SEL1L2: variants seen among roughly 807,000 people sequenced by gnomAD.
SEL1L2 encodes SEL1L2 adaptor subunit of SYVN1 ubiquitin ligase, also known as protein sel-1 homolog 2.
A neutral mutation model predicts 98.8 loss-of-function variants in SEL1L2; 89 were observed. The ratio of observed to expected loss-of-function variants is 0.90; its 90% CI spans 0.76 to 1.07. SEL1L2 has a LOEUF of 1.07. Among genes scored for constraint, SEL1L2 ranks in the 50% least tolerant of loss-of-function variants. The pLI is 0.00. For missense variants in SEL1L2, 788 were observed against 812.0 expected (o/e 0.97, Z 0.36); for synonymous variants, 262 against 278.5 (o/e 0.94, Z 0.59).
intron 3 of SEL1L2, among the ~76,000 whole-genome samples, chr20:13,927,808 T>G (rs1376145003): frequency 6.6e-6 from 1 of 152,220 alleles, no homozygotes; most frequent in African/African-American, 2.4e-5. Context: ...TCTTGTTTCA[T>G]TCCACATTTA....
At chr20:13,932,435 A>ATTT (rs1417890718) in intron 2 of SEL1L2, among the ~76,000 whole-genome samples, 3 of 148,314 alleles carry the variant, frequency 2.0e-5, no homozygotes, top group Non-Finnish European at 4.5e-5. Flanking sequence ...TATTATTATT[A>ATTT]TTATTATTAT....
rs748199181 is a variant in SEL1L2, at chr20:13,876,076, C to T, written c.1066G>A (p.Ala356Thr). 3.1e-6 allele frequency: 5 copies of T among 1,613,826 alleles called. No homozygotes were observed. The highest frequency in any genetic ancestry group is 2.2e-5 in the South Asian group (2 of 91,088). Residue 356 changes from alanine to threonine, a missense_variant, in exon 12 of 20, where the codon GCT (alanine) becomes ACT (threonine). Ala to Thr is a moderately conservative substitution (Grantham distance 58). Coordinates refer to ENST00000284951, the MANE Select transcript of SEL1L2 (RefSeq NM_025229.2). ...ATGGAAAAGTACTTGAAGGCAGTAG[C>T]GTTATTTTGCGGCACGGCAGCATTC... Reference protein sequence around the residue: ...EGNAAVPQNNATAFKYFSMAA... With the variant: ...EGNAAVPQNNTTAFKYFSMAA...
chr20:13,886,143 A>T, intron 9 of SEL1L2, 145 bp downstream of exon 9: 1 of 472,590 alleles, frequency 2.1e-6, no homozygotes. Context: ...CAGGGAACAA[A>T]ACAGGAGTAG....
At chr20:13,856,935 T>C (rs1212828901) in intron 18 of SEL1L2, among the ~76,000 whole-genome samples, 12 of 152,200 alleles carry the variant, frequency 7.9e-5, no homozygotes, top group African/African-American at 2.4e-4. Context: ...ATGACTTAAC[T>C]GCTGGGAAGG....
Position 13,850,272 on chromosome 20 carries a change from A to C in SEL1L2, c.1866T>G (p.Ser622Arg). 1 of 1,614,002 alleles carries C rather than the reference A, an allele frequency of 6.2e-7. No individual in the cohort carries two copies. The highest frequency in any genetic ancestry group is 8.5e-7 in the Non-Finnish European group (1 of 1,179,938). Residue 622 changes from serine (S) to arginine (R), a missense_variant, in exon 19 of 20, where the codon AGT (serine) becomes AGG (arginine). Transcript: ENST00000284951. ...RRLYDMAAQT[S>R]PDAHIPVLFA... ...AGAGCACAGGTATGTGGGCATCTGG[A>C]CTCGTTTGAGCAGCCATGTCGTACA...
intron 17 of SEL1L2, 51 bp from the exon 18 acceptor site, chr20:13,859,485 T>C (rs773211136): frequency 2.0e-6 from 3 of 1,486,876 alleles, no homozygotes; most frequent in South Asian, 2.4e-5. Context: ...GATTCATGTA[T>C]AGTTCTCAGG....
In SEL1L2 at chr20:13,981,585, G is replaced by C. The variant is rs193180472; in HGVS notation, c.58+8892C>G. Among the ~76,000 whole-genome samples the C allele has an allele frequency of 3.7e-3, 559 of 152,162 alleles. 7 individuals carry two copies. Among genetic ancestry groups the C allele is most frequent in the African/African-American group, 0.013 (545 of 41,526 alleles). On this transcript the variant is annotated intron_variant, in intron 1 of 19. Coordinates refer to ENST00000284951, the MANE Select transcript of SEL1L2 (RefSeq NM_025229.2). ...AACTATGCAATTAATATTTGTCAGT[G>C]AAAAAAATACAAAATCAGAAACCAT...
chr20:13,908,149 G>T (rs1309106903), intron 5 of SEL1L2, among the ~76,000 whole-genome samples: 12 of 78,470 alleles, frequency 1.5e-4, no homozygotes, highest in African/African-American at 4.2e-4. Context: ...ACAGGGTTTT[G>T]CTCTGTTGCC....
At chr20:13,936,312 C>G (rs940360633) in intron 2 of SEL1L2, among the ~76,000 whole-genome samples, 10 of 152,138 alleles carry the variant, frequency 6.6e-5, no homozygotes, top group African/African-American at 2.4e-4. Context: ...TTCCCAAAAA[C>G]TAAACCACCT....
intron 18 of SEL1L2, among the ~76,000 whole-genome samples, chr20:13,857,352 T>C (rs1158556135): frequency 2.0e-5 from 3 of 152,218 alleles, no homozygotes; most frequent in Non-Finnish European, 4.4e-5. Flanking sequence ...ACTTAAGTGT[T>C]TTCCTGAATG....
chr20:13,989,551 T>G (rs1165919698), intron 1 of SEL1L2, among the ~76,000 whole-genome samples: 1 of 152,234 alleles, frequency 6.6e-6, no homozygotes, highest in African/African-American at 2.4e-5. Context: ...ATTCCTGATG[T>G]TAGGGATGAA....
intron 12 of SEL1L2, among the ~76,000 whole-genome samples, chr20:13,870,720 C>T (rs547501383): frequency 5.3e-5 from 8 of 152,030 alleles, no homozygotes; most frequent in African/African-American, 1.7e-4. Flanking sequence ...GTCAGGAGTT[C>T]GAGACCATCC....
chr20:13,924,288 CT>C (rs59961411), intron 3 of SEL1L2, among the ~76,000 whole-genome samples: 4,271 of 148,914 alleles, frequency 0.029, 92 homozygotes, highest in Non-Finnish European at 0.041. Flanking sequence ...TTTTGTTTTT[CT>C]TTTTTTTTCT....
intron 17 of SEL1L2, among the ~76,000 whole-genome samples, chr20:13,862,942 C>T (rs1990408040): frequency 6.6e-6 from 1 of 152,044 alleles, no homozygotes; most frequent in South Asian, 2.1e-4. Context: ...AGCAATTCTC[C>T]CACCTCGGTC....
chr20:13,990,865 G>C (rs2052512210), upstream of SEL1L2, among the ~76,000 whole-genome samples: 1 of 152,234 alleles, frequency 6.6e-6, no homozygotes, highest in South Asian at 2.1e-4. Context: ...GTTCAGGGGT[G>C]CTGGAAGTTC....
chr20:13,874,600 T>A lies in SEL1L2; in HGVS notation c.1104+1438A>T, dbSNP rs78846973. ...ATAAGAGATTTTCCATGTTACTCCT[T>A]TTCAGTCTGCTCTTCCTTGTCATCC... On this transcript the variant is annotated intron_variant, in intron 12 of 19. Transcript: ENST00000284951. Among the ~76,000 whole-genome samples the A allele has an allele frequency of 4.0e-4, 61 of 152,306 alleles. No individual in the cohort carries two copies. In the East Asian group the frequency reaches 0.011, roughly 28 times the overall value.
intron 15 of SEL1L2, 147 bp from the exon 16 acceptor site, chr20:13,865,661 G>T: frequency 1.6e-6 from 1 of 623,858 alleles, no homozygotes; most frequent in South Asian, 2.3e-5. Context: ...ATTATTTAGG[G>T]TAAAGAGTTA....
chr20:13,942,821 A>G (rs1474879627), intron 2 of SEL1L2, among the ~76,000 whole-genome samples: 1 of 152,194 alleles, frequency 6.6e-6, no homozygotes, highest in Admixed American at 6.5e-5. Flanking sequence ...TTAAACTTTA[A>G]AATTAACTGT....
intron 15 of SEL1L2, among the ~76,000 whole-genome samples, chr20:13,865,953 C>T (rs934678699): frequency 1.3e-5 from 2 of 151,902 alleles, no homozygotes; most frequent in African/African-American, 2.4e-5. Flanking sequence ...AAGACAGTGC[C>T]GGAGGGTGTA....
Sources: gnomAD v4.1 joint callset for allele counts (sites outside exome capture counted in the v4.1 genomes callset) on GRCh38, gnomAD v4.1.1 for gene constraint, MANE v1.5 for transcripts, NCBI Gene and HGNC (gene_info 2026-07-23, HGNC 2026-07-21) for gene names.